Variants in ZC3H3 observed in about 807,000 individuals in gnomAD.
ZC3H3 encodes zinc finger CCCH-type containing 3.
Under a neutral mutation model 77.3 loss-of-function variants are expected in ZC3H3, and 36 were observed. That is an observed-to-expected ratio of 0.47 (90% confidence interval 0.36 to 0.61). ZC3H3 has a LOEUF of 0.61. Among genes scored for constraint, ZC3H3 ranks in the 20% least tolerant of loss-of-function variants. ZC3H3 has a pLI of 0.00. For synonymous variants in ZC3H3, 626 were observed against 555.2 expected, an observed-to-expected ratio of 1.13 and a Z score of -1.79; for missense variants, 1,331 against 1,312.2, an observed-to-expected ratio of 1.01 and a Z score of -0.22.
intron 3 of ZC3H3, among the ~76,000 whole-genome samples, chr8:143,526,480 C>A (rs890986334): frequency 6.6e-6 from 1 of 152,186 alleles, no homozygotes; most frequent in Non-Finnish European, 1.5e-5. Flanking sequence ...CCGCCCAGCA[C>A]GCGATTGGAC....
At chr8:143,514,920 G>A (rs888981706) in intron 3 of ZC3H3, among the ~76,000 whole-genome samples, 4 of 152,240 alleles carry the variant, frequency 2.6e-5, no homozygotes, top group African/African-American at 9.6e-5. Flanking sequence ...TGTGCGGCTA[G>A]GCCCGGCCGC....
chr8:143,526,367 C>T lies in ZC3H3; in HGVS notation c.1561+9890G>A, dbSNP rs147962023. Among the ~76,000 whole-genome samples the T allele has an allele frequency of 8.8e-3, 1,338 of 152,356 alleles. 20 individuals carry two copies. Among genetic ancestry groups the T allele is most frequent in the African/African-American group, 0.031 (1,269 of 41,582 alleles). The stretch of plus-strand genomic sequence containing the variant: ...GAGTGGCAGGAAGACCAGGTGCCTG[C>T]GGGCAGGAGACACTGGCCTGGGGCT... On this transcript the variant is annotated intron_variant, in intron 3 of 11. Coordinates refer to ENST00000262577, the MANE Select transcript of ZC3H3 (RefSeq NM_015117.3).
chr8:143,440,468 T>C (rs1462166482), intron 10 of ZC3H3, 105 bp from the exon 11 acceptor site: 12 of 1,445,424 alleles, frequency 8.3e-6, no homozygotes, highest in African/African-American at 1.4e-5. Context: ...TGGCCCTCCG[T>C]GGTCTCAGGG....
intron 3 of ZC3H3, among the ~76,000 whole-genome samples, chr8:143,517,156 G>A (rs1822083448): frequency 6.6e-6 from 1 of 152,206 alleles, no homozygotes; most frequent in South Asian, 2.1e-4. Flanking sequence ...GTTAATTATT[G>A]TGCGCGAGCC....
chr8:143,538,919 C>G lies in ZC3H3; in HGVS notation c.448G>C (p.Glu150Gln), dbSNP rs1274209216. The change falls in exon 2 of 12, where the codon GAG (glutamate) becomes CAG (glutamine). Residue 150 changes from glutamate (E) to glutamine (Q), a missense_variant. Around this residue, in one of 3 missense-constraint regions of ZC3H3, gnomAD observed 978 missense variants for 915.5 expected, o/e 1.07. Coordinates refer to ENST00000262577, the MANE Select transcript of ZC3H3 (RefSeq NM_015117.3). Reference sequence around the variant, plus strand: ...CTTTGGTCACTCCAGGGGGTTTCCTCAAATTCTTCCAAAGAGCCCCGCTGG... The same window carrying G: ...CTTTGGTCACTCCAGGGGGTTTCCTGAAATTCTTCCAAAGAGCCCCGCTGG... ...GAQRGSLEEF[E>Q]ETPWSDQRPR... is the part of the protein sequence containing the mutation. The G allele has an allele frequency of 6.2e-7, 1 of 1,612,996 alleles. No individual in the cohort carries two copies. Among genetic ancestry groups the G allele is most frequent in the South Asian group, 1.1e-5 (1 of 91,090 alleles).
At chr8:143,517,664 A>G (rs1029628926) in intron 3 of ZC3H3, among the ~76,000 whole-genome samples, 1 of 152,188 alleles carries the variant, frequency 6.6e-6, no homozygotes, top group African/African-American at 2.4e-5. Context: ...CTGTGTGTTC[A>G]GAACCCCAGG....
At chr8:143,446,199 A>G (rs1308662219) in intron 9 of ZC3H3, among the ~76,000 whole-genome samples, 1 of 152,224 alleles carries the variant, frequency 6.6e-6, no homozygotes, top group East Asian at 1.9e-4. Flanking sequence ...GAAAGTCTCA[A>G]TGTGAAAGGT....
At chr8:143,490,871 C>T (rs1250847532) in intron 4 of ZC3H3, among the ~76,000 whole-genome samples, 1 of 152,174 alleles carries the variant, frequency 6.6e-6, no homozygotes, top group African/African-American at 2.4e-5. Context: ...GCTGAGATTG[C>T]ACTCCAGCCT....
chr8:143,440,375 G>T lies in ZC3H3; in HGVS notation c.2493-12C>A. 6.6e-7 allele frequency: 1 copy of T among 1,517,584 alleles called. No homozygotes were observed. Among genetic ancestry groups the T allele is most frequent in the Non-Finnish European group, 8.8e-7 (1 of 1,132,320 alleles). The allele number at this position is 1,517,584 out of a possible 1,614,324, so 94.0% of individuals were successfully genotyped here. A position where few individuals can be genotyped will look rare whatever the true frequency, so the allele number is the denominator to read the frequency against. ...ATGCTGAAGGCTTCCTGCAGGGAAG[G>T]AAGGGGCAGACGTGTGAGGTGGGGT... On this transcript the variant is annotated splice_polypyrimidine_tract_variant and intron_variant, in intron 10 of 11. Transcript: ENST00000262577.
intron 3 of ZC3H3, among the ~76,000 whole-genome samples, chr8:143,509,225 T>C (rs1185293222): frequency 2.6e-5 from 4 of 152,216 alleles, no homozygotes; most frequent in Non-Finnish European, 4.4e-5. Flanking sequence ...CTGCCGATTG[T>C]ATTTTCAAGG....
chr8:143,508,767 C>A (rs1423059674), intron 3 of ZC3H3, among the ~76,000 whole-genome samples: 2 of 151,974 alleles, frequency 1.3e-5, no homozygotes, highest in Non-Finnish European at 2.9e-5. Context: ...GGACCCCACC[C>A]AGCCCAGCCC....
At chr8:143,474,676 C>T (rs1009100828) in intron 5 of ZC3H3, among the ~76,000 whole-genome samples, 4 of 152,236 alleles carry the variant, frequency 2.6e-5, no homozygotes, top group Non-Finnish European at 4.4e-5. Flanking sequence ...GGGGAGCCAG[C>T]ATGGCCCAGC....
intron 4 of ZC3H3, among the ~76,000 whole-genome samples, chr8:143,498,638 C>T (rs1821422759): frequency 6.6e-6 from 1 of 151,888 alleles, no homozygotes; most frequent in Non-Finnish European, 1.5e-5. Flanking sequence ...CACTCACCAC[C>T]TTGGGCCTAC....
At chr8:143,509,496 G>A (rs1311139236) in intron 3 of ZC3H3, among the ~76,000 whole-genome samples, 3 of 152,200 alleles carry the variant, frequency 2.0e-5, no homozygotes, top group East Asian at 1.9e-4. Context: ...CCATGGGGCC[G>A]GGCCTCAGGG....
intron 9 of ZC3H3, among the ~76,000 whole-genome samples, chr8:143,461,757 G>C (rs898814428): frequency 6.6e-6 from 1 of 152,044 alleles, no homozygotes; most frequent in Non-Finnish European, 1.5e-5. Flanking sequence ...CCAGCAACAC[G>C]AAAGGCCCAC....
Position 143,468,670 on chromosome 8 carries a change from G to C in ZC3H3, c.1904-11C>G, listed in dbSNP as rs1261441886. ...CAGGATCCAGCCGGCCTGTGGGGGAGAGAGGCACGGGTCATAGCAGGCCAC... is the reference window on the plus strand; with the variant it reads ...CAGGATCCAGCCGGCCTGTGGGGGACAGAGGCACGGGTCATAGCAGGCCAC... On this transcript the variant is annotated splice_polypyrimidine_tract_variant and intron_variant, in intron 5 of 11. Transcript: ENST00000262577. The C allele has an allele frequency of 6.5e-7, 1 of 1,548,552 alleles. No individual in the cohort carries two copies. Among genetic ancestry groups the C allele is most frequent in the East Asian group, 2.4e-5 (1 of 40,954 alleles).
intron 3 of ZC3H3, among the ~76,000 whole-genome samples, chr8:143,532,757 G>A (rs1345638432): frequency 6.6e-6 from 1 of 152,194 alleles, no homozygotes; most frequent in Non-Finnish European, 1.5e-5. Context: ...GCATGGAGAC[G>A]GTGGGCCTTG....
At chr8:143,489,570 C>T (rs1586917376) in intron 4 of ZC3H3, among the ~76,000 whole-genome samples, 1 of 152,288 alleles carries the variant, frequency 6.6e-6, no homozygotes, top group African/African-American at 2.4e-5. Flanking sequence ...GCCCCTGTCC[C>T]GCCCCAGGAC....
chr8:143,479,080 A>T (rs1586906474), intron 4 of ZC3H3, among the ~76,000 whole-genome samples: 2 of 152,180 alleles, frequency 1.3e-5, no homozygotes, highest in African/African-American at 4.8e-5. Context: ...TGCTCAGCAC[A>T]CCTAGCCCAA....
Sources: gnomAD v4.1 joint callset for allele counts (sites outside exome capture counted in the v4.1 genomes callset) on GRCh38, gnomAD v4.1.1 for gene constraint, gnomAD v4.1.1 regional missense constraint, MANE v1.5 for transcripts, NCBI Gene and HGNC (gene_info 2026-07-23, HGNC 2026-07-21) for gene names.